Variants in CDK15 observed in about 807,000 individuals in gnomAD.
The protein encoded by CDK15 is cyclin dependent kinase 15.
In CDK15, 62 loss-of-function variants were observed where a neutral mutation model predicts 60.3. The ratio of observed to expected loss-of-function variants is 1.03; its 90% CI spans 0.84 to 1.27. The LOEUF (loss-of-function observed/expected upper bound fraction) is 1.27, where lower values mean the gene tolerates loss of function less well. Ranked by LOEUF, CDK15 falls within the 50% of genes most tolerant of loss-of-function variation. The pLI is 0.00. For synonymous variants in CDK15, 194 were observed against 195.7 expected (o/e 0.99, Z 0.07); for missense variants, 541 against 527.8 (o/e 1.03, Z -0.25).
intron 11 of CDK15, among the ~76,000 whole-genome samples, 165 bp downstream of exon 11, chr2:201,872,491 T>C (rs1024765475): frequency 6.6e-6 from 1 of 152,188 alleles, no homozygotes; most frequent in East Asian, 1.9e-4. Context: ...TGAGAGTCTG[T>C]TAATTTTTTT....
rs749787101 is a variant in CDK15, at chr2:201,806,639, G to A, written c.-26G>A. On this transcript the variant is annotated 5_prime_UTR_variant, in exon 1 of 14. Coordinates refer to ENST00000652192, the MANE Select transcript of CDK15 (RefSeq NM_001366386.2). Reference sequence around the variant, plus strand: ...GCAGTGGGGGAAAGGTTCAAGTGCGGGTTTTCTCCTTGAACCTACAAGATT... The same window carrying A: ...GCAGTGGGGGAAAGGTTCAAGTGCGAGTTTTCTCCTTGAACCTACAAGATT... The A allele has an allele frequency of 6.4e-7, 1 of 1,562,594 alleles. No homozygotes were observed. Among genetic ancestry groups the A allele is most frequent in the Non-Finnish European group, 8.6e-7 (1 of 1,156,912 alleles).
chr2:201,863,050 A>G (rs907119857), intron 10 of CDK15, among the ~76,000 whole-genome samples: 2 of 152,300 alleles, frequency 1.3e-5, no homozygotes, highest in East Asian at 1.9e-4. Flanking sequence ...ATGAACCTCG[A>G]TTGGGCTCAT....
At chr2:201,873,089 G>A (rs963459790) in intron 11 of CDK15, among the ~76,000 whole-genome samples, 20 of 151,632 alleles carry the variant, frequency 1.3e-4, no homozygotes, top group Non-Finnish European at 2.5e-4. Context: ...CTGAACACTC[G>A]AACATTGTTT....
intron 10 of CDK15, among the ~76,000 whole-genome samples, chr2:201,859,935 G>A (rs929297782): frequency 7.9e-5 from 12 of 152,240 alleles, no homozygotes; most frequent in Middle Eastern, 3.4e-3. Flanking sequence ...TAAAGTAAAC[G>A]GAGGCCTTAC....
At chr2:201,815,418 G>A (rs777900942) in intron 4 of CDK15, among the ~76,000 whole-genome samples, 2 of 152,034 alleles carry the variant, frequency 1.3e-5, no homozygotes, top group Non-Finnish European at 2.9e-5. Flanking sequence ...GTACTCTGCC[G>A]AACTGCTAGA....
chr2:201,853,302 A>T (rs1559135773), intron 9 of CDK15, among the ~76,000 whole-genome samples: 1 of 152,194 alleles, frequency 6.6e-6, no homozygotes, highest in African/African-American at 2.4e-5. Context: ...GAATGGATCA[A>T]AGAAGGAAGA....
At chr2:201,840,646 G>A (rs1249633967) in intron 8 of CDK15, among the ~76,000 whole-genome samples, 1 of 152,172 alleles carries the variant, frequency 6.6e-6, no homozygotes, top group Non-Finnish European at 1.5e-5. Flanking sequence ...TTGAAAGGTG[G>A]TTTTGTTGGG....
chr2:201,841,495 A>AT (rs1484943763), intron 8 of CDK15, among the ~76,000 whole-genome samples: 1 of 152,132 alleles, frequency 6.6e-6, no homozygotes, highest in Middle Eastern at 3.4e-3. Flanking sequence ...CTCTCCTCCC[A>AT]TTTTTTTCTT....
chr2:201,881,706 G>C (rs183153795), intron 12 of CDK15, among the ~76,000 whole-genome samples: 2 of 152,268 alleles, frequency 1.3e-5, no homozygotes, highest in Admixed American at 1.3e-4. Flanking sequence ...ATTGCAGGCA[G>C]ATCCACAGTT....
At chr2:201,845,830 C>T (rs1334763258) in intron 8 of CDK15, among the ~76,000 whole-genome samples, 8 of 132,118 alleles carry the variant, frequency 6.1e-5, no homozygotes, top group Non-Finnish European at 1.1e-4. Flanking sequence ...AAGAGGTTTG[C>T]GGTTAAAAAA....
intron 6 of CDK15, among the ~76,000 whole-genome samples, chr2:201,827,325 A>G (rs1347363298): frequency 6.6e-6 from 1 of 152,214 alleles, no homozygotes; most frequent in Non-Finnish European, 1.5e-5. Context: ...ATACGCCTGT[A>G]GTCCCAGCTA....
At chr2:201,862,898 T>A (rs1486647815) in intron 10 of CDK15, among the ~76,000 whole-genome samples, 1 of 152,220 alleles carries the variant, frequency 6.6e-6, no homozygotes, top group Non-Finnish European at 1.5e-5. Context: ...CAAATGATTA[T>A]GTCTTTCCAC....
At chr2:201,850,270 A>G (rs2105780103) in intron 9 of CDK15, among the ~76,000 whole-genome samples, 1 of 152,276 alleles carries the variant, frequency 6.6e-6, no homozygotes, top group South Asian at 2.1e-4. Context: ...AATAATAATA[A>G]ATATAAATTT....
Position 201,860,780 on chromosome 2 carries a change from G to C in CDK15, c.1009+5843G>C, listed in dbSNP as rs758715340. 10 of 1,352,144 alleles carry C rather than the reference G, an allele frequency of 7.4e-6. No individual in the cohort carries two copies. The South Asian group carries it at 1.1e-4, about 15-fold the overall frequency. The allele number at this position is 1,352,144 out of a possible 1,614,324, so 83.8% of individuals were successfully genotyped here. Reference sequence around the variant, plus strand: ...CAGCATGGATGGCATACTGACATCGGACAGCATCGTACTGCAGCAATGCAG... The same window carrying C: ...CAGCATGGATGGCATACTGACATCGCACAGCATCGTACTGCAGCAATGCAG... On this transcript the variant is annotated intron_variant, in intron 10 of 13. Transcript: ENST00000652192.
intron 11 of CDK15, among the ~76,000 whole-genome samples, chr2:201,875,184 C>T (rs928090192): frequency 2.0e-5 from 3 of 152,116 alleles, no homozygotes; most frequent in Non-Finnish European, 2.9e-5. Flanking sequence ...GTAGCTGTCC[C>T]GGCCCCCAGC....
chr2:201,837,887 A>G lies in CDK15; in HGVS notation c.851+2124A>G, dbSNP rs377684647. Among the ~76,000 whole-genome samples, 8 of 152,328 alleles carry G rather than the reference A, an allele frequency of 5.3e-5. No homozygotes were observed. The East Asian group carries it at 1.4e-3, about 26-fold the overall frequency. On this transcript the variant is annotated intron_variant, in intron 8 of 13. Coordinates refer to ENST00000652192, the MANE Select transcript of CDK15 (RefSeq NM_001366386.2). ...CTTTTAGATCTCCCAAAGAATTAAG[A>G]AAGGTTGCAGACATTTTTCTCCAGT...
chr2:201,891,143 G>A (rs905293929), intron 13 of CDK15, among the ~76,000 whole-genome samples: 3 of 152,162 alleles, frequency 2.0e-5, no homozygotes, highest in East Asian at 1.9e-4. Flanking sequence ...TTCCACTCCC[G>A]GAGCAGGGAT....
At chr2:201,819,099 G>A (rs1416058870) in intron 4 of CDK15, among the ~76,000 whole-genome samples, 2 of 152,064 alleles carry the variant, frequency 1.3e-5, no homozygotes, top group African/African-American at 4.8e-5. Context: ...AAAGAATAAA[G>A]CAGGGCCCAG....
chr2:201,854,789 G>C (rs1574906298), intron 9 of CDK15, 85 bp from the exon 10 acceptor site: 1 of 1,136,962 alleles, frequency 8.8e-7, no homozygotes, highest in Non-Finnish European at 1.3e-6. Context: ...GTTCTTCCCT[G>C]ATTTGTCCTG....
Sources: gnomAD v4.1 joint callset for allele counts (sites outside exome capture counted in the v4.1 genomes callset) on GRCh38, gnomAD v4.1.1 for gene constraint, MANE v1.5 for transcripts, NCBI Gene and HGNC (gene_info 2026-07-23, HGNC 2026-07-21) for gene names.